ITIH1: variants seen among roughly 807,000 people sequenced by gnomAD.
ITIH1 encodes inter-alpha-trypsin inhibitor heavy chain H1.
In ITIH1, 94 loss-of-function variants were observed where a neutral mutation model predicts 104.6. That is an observed-to-expected ratio of 0.90 (90% CI 0.76 to 1.07). The LOEUF is 1.07. Ranked by LOEUF, ITIH1 falls within the 50% of genes least tolerant of loss-of-function variation. ITIH1 has a pLI of 0.00. For missense variants in ITIH1, 1,193 were observed against 1,181.4 expected (o/e 1.01, Z -0.14); for synonymous variants, 455 against 464.4 (o/e 0.98, Z 0.26).
intron 5 of ITIH1, 29 bp from the exon 6 acceptor site, chr3:52,780,240 T>TAAA (rs747431830): frequency 4.5e-5 from 68 of 1,523,670 alleles, no homozygotes; most frequent in Non-Finnish European, 6.0e-5. Flanking sequence ...TCTTTTTTTT[T>TAAA]AAAAAAATAA....
At chr3:52,778,604 T>A in intron 3 of ITIH1, 98 bp downstream of exon 3, 1 of 1,553,186 alleles carries the variant, frequency 6.4e-7, no homozygotes, top group East Asian at 2.3e-5. Flanking sequence ...ACGCAGAGCA[T>A]CTCCTCATTC....
chr3:52,786,731 C>T (rs905276111), intron 13 of ITIH1, among the ~76,000 whole-genome samples: 16 of 152,230 alleles, frequency 1.1e-4, no homozygotes, highest in Admixed American at 3.9e-4. Context: ...GCATGCCCCT[C>T]AACCCCACCG....
At position 52,784,381 on chromosome 3, in the gene ITIH1, C is replaced by T; in HGVS notation, c.1311C>T (p.His437=). The T allele has an allele frequency of 6.2e-7, 1 of 1,614,138 alleles. No individual in the cohort carries two copies. Residue 437 remains histidine (H), a synonymous_variant, in exon 11 of 22, where the codon CAC becomes CAT. Coordinates refer to ENST00000273283, the MANE Select transcript of ITIH1 (RefSeq NM_002215.4). The part of the protein sequence containing the change: ...RFPLYNLGFG[H]NVDFNFLEVM... ...CGCTCTACAACCTGGGTTTCGGCCACAATGTGGACTTTAACTTTCTGGAGG... is the reference window on the plus strand; with the variant it reads ...CGCTCTACAACCTGGGTTTCGGCCATAATGTGGACTTTAACTTTCTGGAGG...
chr3:52,790,467 G>T, intron 19 of ITIH1: 1 of 384,650 alleles, frequency 2.6e-6, no homozygotes. Context: ...TGCTACCTTG[G>T]GCAAGTTACT....
chr3:52,777,748 C>T lies in ITIH1; in HGVS notation c.117+16C>T, dbSNP rs1183260597. ...GAGCAGCGAGGTATATGGCTAAGCCCACAGGGCAGAAATAGGCAGCTGAAC... is the reference window on the plus strand; with the variant it reads ...GAGCAGCGAGGTATATGGCTAAGCCTACAGGGCAGAAATAGGCAGCTGAAC... On this transcript the variant is annotated intron_variant, in intron 1 of 21. Coordinates refer to ENST00000273283, the MANE Select transcript of ITIH1 (RefSeq NM_002215.4). 6.4e-7 allele frequency: 1 copy of T among 1,561,666 alleles called. No individual in the cohort carries two copies. The highest frequency in any genetic ancestry group is 1.2e-5 in the South Asian group (1 of 83,592).
chr3:52,781,209 TTCTTCTTC>T lies in ITIH1; in HGVS notation c.688-729_688-722del, dbSNP rs1188320563. Among the ~76,000 whole-genome samples the T allele has an allele frequency of 3.6e-3, 51 of 14,338 alleles. 1 individual carries two copies. The highest frequency in any genetic ancestry group is 7.7e-3 in the African/African-American group (35 of 4,574). 9.4% of individuals were successfully genotyped at this position (14,338 alleles called of 152,430 possible). On this transcript the variant is annotated intron_variant, in intron 6 of 21. Transcript: ENST00000273283. Reference sequence around the variant, plus strand: ...ACCTCCTCCTCTTCTTTTTTTTTTTTTCTTCTTCTTCTTCTTCTTCTTCTTCTTCTTCT... The same window carrying T: ...ACCTCCTCCTCTTCTTTTTTTTTTTTTTCTTCTTCTTCTTCTTCTTCTTCT...
chr3:52,780,580 C>T (rs1699011787), intron 6 of ITIH1, among the ~76,000 whole-genome samples, 198 bp downstream of exon 6: 1 of 152,196 alleles, frequency 6.6e-6, no homozygotes, highest in African/African-American at 2.4e-5. Flanking sequence ...TTAGCAAAAG[C>T]CTGCATGCTG....
At chr3:52,781,197 CTTTTTTTTTTTT>C (rs10526848) in intron 6 of ITIH1, among the ~76,000 whole-genome samples, 4 of 69,236 alleles carry the variant, frequency 5.8e-5, no homozygotes, top group African/African-American at 1.8e-4. Flanking sequence ...TCCTCCTCTT[CTTTTTTTTTTTT>C]TCTTCTTCTT....
chr3:52,791,149 T>A (rs1699346919), intron 20 of ITIH1, among the ~76,000 whole-genome samples: 1 of 151,850 alleles, frequency 6.6e-6, no homozygotes, highest in Non-Finnish European at 1.5e-5. Flanking sequence ...GGGGCAGAGG[T>A]CTGATCGCAA....
At chr3:52,781,820 C>A (rs945201958) in intron 6 of ITIH1, 120 bp from the exon 7 acceptor site, 3 of 1,333,610 alleles carry the variant, frequency 2.2e-6, no homozygotes, top group Non-Finnish European at 3.1e-6. Context: ...CCACCGAACT[C>A]GTTTCTCTGT....
chr3:52,779,281 C>A lies in ITIH1; in HGVS notation c.411-151C>A. 1 of 907,170 alleles carries A rather than the reference C, an allele frequency of 1.1e-6. No individual in the cohort carries two copies. The highest frequency in any genetic ancestry group is 1.7e-6 in the Non-Finnish European group (1 of 581,146). 56.2% of individuals were successfully genotyped at this position (907,170 alleles called of 1,614,324 possible). On this transcript the variant is annotated intron_variant, in intron 4 of 21. Coordinates refer to ENST00000273283, the MANE Select transcript of ITIH1 (RefSeq NM_002215.4). The surrounding 1 kb of genome is among the most constrained non-coding windows in gnomAD (Gnocchi z 4.4). ...CGCCATCTTGGGCCCTGACCCTGAC[C>A]AGCCAGCTAACACATTTGTGAGGTC...
Position 52,779,682 on chromosome 3 carries a change from C to T in ITIH1, c.573+88C>T. 6.8e-7 allele frequency: 1 copy of T among 1,478,156 alleles called. No individual in the cohort carries two copies. The highest frequency in any genetic ancestry group is 9.4e-7 in the Non-Finnish European group (1 of 1,058,220). The allele number at this position is 1,478,156 out of a possible 1,614,324, so 91.6% of individuals were successfully genotyped here. ...TGGTTGAGCACCCACCATGTGTCAC[C>T]ACCCAGGCCTGAGAACACAGGGATG... On this transcript the variant is annotated intron_variant, in intron 5 of 21. Coordinates refer to ENST00000273283, the MANE Select transcript of ITIH1 (RefSeq NM_002215.4). The surrounding 1 kb of genome is among the most constrained non-coding windows in gnomAD (Gnocchi z 4.4).
chr3:52,781,203 TTTTTTTTCTTCTTCTTCTTCTTC>T lies in ITIH1; in HGVS notation c.688-734_688-712del, dbSNP rs1699027880. Among the ~76,000 whole-genome samples the T allele has an allele frequency of 1.5e-4, 18 of 122,744 alleles. 1 individual carries two copies. The highest frequency in any genetic ancestry group is 5.5e-4 in the African/African-American group (15 of 27,442). The allele number at this position is 122,744 out of a possible 152,430, so 80.5% of individuals were successfully genotyped here. On this transcript the variant is annotated intron_variant, in intron 6 of 21. Transcript: ENST00000273283. ...TCCTTCACCTCCTCCTCTTCTTTTT[TTTTTTTTCTTCTTCTTCTTCTTC>T]TTCTTCTTCTTCTTCTTCTTCTTCT...
At chr3:52,780,958 C>T (rs1252041642) in intron 6 of ITIH1, among the ~76,000 whole-genome samples, 1 of 152,190 alleles carries the variant, frequency 6.6e-6, no homozygotes, top group Non-Finnish European at 1.5e-5. Context: ...AGGAACAAAT[C>T]CTTTAGTTCC....
chr3:52,789,643 T>G lies in ITIH1; in HGVS notation c.2120-10T>G, dbSNP rs1324688732. The G allele has an allele frequency of 1.2e-6, 2 of 1,613,614 alleles. No individual in the cohort carries two copies. Among genetic ancestry groups the G allele is most frequent in the Non-Finnish European group, 8.5e-7 (1 of 1,179,782 alleles). On this transcript the variant is annotated splice_polypyrimidine_tract_variant and intron_variant, in intron 18 of 21. Coordinates refer to ENST00000273283, the MANE Select transcript of ITIH1 (RefSeq NM_002215.4). ...CTTCCCAACCCGGATGCCCTCTTGC[T>G]CCATTGCAGGCTTCTCAGTGAATGG...
chr3:52,787,694 T>C (rs1476205029), intron 16 of ITIH1, 82 bp downstream of exon 16: 2 of 1,424,216 alleles, frequency 1.4e-6, no homozygotes, highest in African/African-American at 2.8e-5. Flanking sequence ...CCGTTCTAGC[T>C]GTCTTCACTG....
At position 52,787,099 on chromosome 3, in the gene ITIH1, G is replaced by A. The variant is rs1447459532; in HGVS notation, c.1888G>A (p.Asp630Asn). The change falls in exon 14 of 22, where the codon GAT becomes AAT. Residue 630 changes from aspartate (D) to asparagine (N), a missense_variant and splice_region_variant. Transcript: ENST00000273283. ...GCCCACCATCGACAAGCCCTCAGAGGGTATAGGCTGCAGGGGTCTACAGAA... is the reference window on the plus strand; with the variant it reads ...GCCCACCATCGACAAGCCCTCAGAGAGTATAGGCTGCAGGGGTCTACAGAA... ...LKPTIDKPSE[D>N]SPPLEMLGPR... The A allele has an allele frequency of 6.2e-7, 1 of 1,614,204 alleles. No individual in the cohort carries two copies. Among genetic ancestry groups the A allele is most frequent in the South Asian group, 1.1e-5 (1 of 91,084 alleles).
rs1364333113 is a variant in ITIH1, at chr3:52,789,702, G to A, written c.2169G>A (p.Gly723=). 1 of 1,614,236 alleles carries A rather than the reference G, an allele frequency of 6.2e-7. No individual in the cohort carries two copies. The highest frequency in any genetic ancestry group is 1.1e-5 in the South Asian group (1 of 91,088). The stretch of plus-strand genomic sequence containing the variant: ...TTGGCAACAAGGCCAGGAGCCCTGG[G>A]CAGCATGACGGCACGTACTTCGGGC... ...QLIGNKARSP[G]QHDGTYFGRL... Residue 723 remains glycine, a synonymous_variant, in exon 19 of 22, where the codon GGG becomes GGA. Coordinates refer to ENST00000273283, the MANE Select transcript of ITIH1 (RefSeq NM_002215.4).
chr3:52,783,413 A>C, intron 10 of ITIH1, 74 bp downstream of exon 10: 1 of 1,531,552 alleles, frequency 6.5e-7, no homozygotes, highest in Non-Finnish European at 8.9e-7. Flanking sequence ...GAAGTTGGAA[A>C]CCCAACCATT....
Sources: gnomAD v4.1 joint callset for allele counts (sites outside exome capture counted in the v4.1 genomes callset) on GRCh38, gnomAD v4.1.1 for gene constraint, Gnocchi (gnomAD v3.1) non-coding constraint, MANE v1.5 for transcripts, NCBI Gene and HGNC (gene_info 2026-07-23, HGNC 2026-07-21) for gene names.